The following PRELID2 variants were observed in gnomAD, a reference collection of about 807,000 sequenced individuals.
PRELID2 encodes PRELI domain containing 2.
Under a neutral mutation model 28.4 loss-of-function variants are expected in PRELID2, and 25 were observed. That is an observed-to-expected ratio of 0.88 (90% confidence interval 0.64 to 1.23). PRELID2 has a LOEUF of 1.23. Among genes scored for constraint, PRELID2 ranks in the 50% most tolerant of loss-of-function variants. The pLI, the probability that PRELID2 is intolerant of heterozygous loss-of-function variation, is 0.00. For synonymous variants in PRELID2, 76 were observed against 71.6 expected (o/e 1.06, Z -0.31); for missense variants, 201 against 214.4 (o/e 0.94, Z 0.39).
intron 1 of PRELID2, among the ~76,000 whole-genome samples, chr5:145,694,740 G>C (rs1430405492): frequency 6.6e-6 from 1 of 151,512 alleles, no homozygotes; most frequent in Non-Finnish European, 1.5e-5. Flanking sequence ...TGAATAGAAT[G>C]CACAAAAATC....
chr5:145,440,736 C>T, the PRELID2 span: 5 of 152,054 alleles, frequency 3.3e-5, no homozygotes, highest in Non-Finnish European at 7.4e-5. Context: ...GGCTGGGAAA[C>T]AATTACAACT....
chr5:145,401,789 T>C, the PRELID2 span, among the ~76,000 whole-genome samples: 2 of 152,220 alleles, frequency 1.3e-5, no homozygotes, highest in Non-Finnish European at 2.9e-5. Flanking sequence ...TCTCGAACAT[T>C]TAGTCTATGC....
the PRELID2 span, among the ~76,000 whole-genome samples, chr5:145,244,859 T>G: frequency 6.6e-6 from 1 of 152,108 alleles, no homozygotes; most frequent in East Asian, 1.9e-4. Context: ...CAGTTCTACC[T>G]AGAATAAAAT....
intron 1 of PRELID2, among the ~76,000 whole-genome samples, chr5:145,540,034 T>C (rs1177396269): frequency 6.6e-6 from 1 of 151,892 alleles, no homozygotes; most frequent in Non-Finnish European, 1.5e-5. Flanking sequence ...GGAAAAAAAG[T>C]AAGTGAAAAT....
At chr5:145,806,177 T>C (rs1247957443) in intron 4 of PRELID2, among the ~76,000 whole-genome samples, 1 of 152,220 alleles carries the variant, frequency 6.6e-6, no homozygotes, top group Non-Finnish European at 1.5e-5. Context: ...TTTTCTACTT[T>C]ATAAACGTTT....
the PRELID2 span, among the ~76,000 whole-genome samples, chr5:145,385,458 C>T: frequency 1.3e-5 from 2 of 152,120 alleles, no homozygotes; most frequent in South Asian, 2.1e-4. Context: ...CCATCAGAAG[C>T]GATAGTTGCC....
chr5:145,281,983 C>T, the PRELID2 span, among the ~76,000 whole-genome samples: 4 of 152,160 alleles, frequency 2.6e-5, no homozygotes, highest in East Asian at 7.7e-4. Context: ...TTAGACATAG[C>T]AGAAATTAAG....
At chr5:145,508,567 A>T (rs998079730) in intron 1 of PRELID2, among the ~76,000 whole-genome samples, 1 of 151,892 alleles carries the variant, frequency 6.6e-6, no homozygotes, top group Non-Finnish European at 1.5e-5. Flanking sequence ...TTAAATATTT[A>T]ATTAATAAAA....
chr5:145,607,998 T>A (rs572918157), intron 1 of PRELID2, among the ~76,000 whole-genome samples: 1 of 151,990 alleles, frequency 6.6e-6, no homozygotes, highest in Non-Finnish European at 1.5e-5. Flanking sequence ...CATTATGTAA[T>A]GCCCTGCTTT....
intron 1 of PRELID2, among the ~76,000 whole-genome samples, chr5:145,518,735 T>C (rs1044379735): frequency 1.3e-5 from 2 of 152,230 alleles, no homozygotes; most frequent in Non-Finnish European, 2.9e-5. Flanking sequence ...CACGAGGAGA[T>C]ACCTGGCAAT....
At chr5:145,618,871 G>C (rs978977910) in intron 1 of PRELID2, among the ~76,000 whole-genome samples, 4 of 152,146 alleles carry the variant, frequency 2.6e-5, no homozygotes, top group African/African-American at 9.7e-5. Context: ...TGCTCTGGGG[G>C]ATAGGCATGA....
chr5:145,623,356 G>A (rs546478603), intron 1 of PRELID2, among the ~76,000 whole-genome samples: 165 of 151,914 alleles, frequency 1.1e-3, no homozygotes, highest in African/African-American at 3.6e-3. Context: ...GCTGAGACAA[G>A]AGAATCACTT....
intron 1 of PRELID2, among the ~76,000 whole-genome samples, chr5:145,566,031 C>CCT (rs1254520885): frequency 6.6e-6 from 1 of 152,194 alleles, no homozygotes; most frequent in African/African-American, 2.4e-5. Flanking sequence ...GTGGATTACT[C>CCT]CTCTGGGGTA....
intron 1 of PRELID2, among the ~76,000 whole-genome samples, chr5:145,583,841 TA>T (rs1353458943): frequency 6.6e-6 from 1 of 152,160 alleles, no homozygotes; most frequent in East Asian, 1.9e-4. Context: ...AAAGAATCAA[TA>T]TTGTGAAAAT....
At chr5:145,576,475 G>T (rs1017374987) in intron 1 of PRELID2, among the ~76,000 whole-genome samples, 1 of 152,082 alleles carries the variant, frequency 6.6e-6, no homozygotes, top group African/African-American at 2.4e-5. Flanking sequence ...TGAATAATAT[G>T]TTATTGTACA....
the PRELID2 span, among the ~76,000 whole-genome samples, chr5:145,232,714 A>G: frequency 6.6e-6 from 1 of 152,162 alleles, no homozygotes; most frequent in Non-Finnish European, 1.5e-5. Flanking sequence ...GTAATAGAAA[A>G]AAATTCATGT....
At chr5:145,333,529 C>G in the PRELID2 span, among the ~76,000 whole-genome samples, 2 of 152,142 alleles carry the variant, frequency 1.3e-5, no homozygotes, top group East Asian at 3.9e-4. Context: ...CTGTGGTGGG[C>G]TCCTCCCAGT....
chr5:145,391,534 C>T, the PRELID2 span, among the ~76,000 whole-genome samples: 2 of 152,186 alleles, frequency 1.3e-5, no homozygotes, highest in African/African-American at 2.4e-5. Context: ...TCCACCTAGG[C>T]TTCCAGTTTT....
At chr5:145,623,113 GGAA>G (rs1203955355) in intron 1 of PRELID2, among the ~76,000 whole-genome samples, 6 of 151,894 alleles carry the variant, frequency 4.0e-5, no homozygotes, top group African/African-American at 1.5e-4. Context: ...TTGGTGGTCA[GGAA>G]GAAGAATCAC....
Sources: gnomAD v4.1 joint callset for allele counts (sites outside exome capture counted in the v4.1 genomes callset) on GRCh38, gnomAD v4.1.1 for gene constraint, MANE v1.5 for transcripts, NCBI Gene and HGNC (gene_info 2026-07-23, HGNC 2026-07-21) for gene names.